The following DIXDC1 variants were observed in gnomAD, a reference collection of about 807,000 sequenced individuals.
DIXDC1 encodes DIX domain containing 1.
A neutral mutation model predicts 103.1 loss-of-function variants in DIXDC1; 64 were observed. That is an observed-to-expected ratio of 0.62 (90% CI 0.51 to 0.76). The LOEUF (loss-of-function observed/expected upper bound fraction) is 0.76, where lower values mean the gene tolerates loss of function less well. DIXDC1 is among the 30% of genes least tolerant of loss of function. DIXDC1 has a pLI of 0.00. For missense variants in DIXDC1, 759 were observed against 834.2 expected, an observed-to-expected ratio of 0.91 and a Z score of 1.11; for synonymous variants, 266 against 298.5, an observed-to-expected ratio of 0.89 and a Z score of 1.12.
chr11:111,928,015 CAAAAAAAAAA>C (rs782156043), intron 1 of DIXDC1, among the ~76,000 whole-genome samples: 3 of 68,760 alleles, frequency 4.4e-5, no homozygotes, highest in Admixed American at 1.7e-4. Context: ...GACTCCATCT[CAAAAAAAAAA>C]AAAAAAAAAA....
intron 7 of DIXDC1, among the ~76,000 whole-genome samples, chr11:111,984,648 C>T (rs1860430607): frequency 6.6e-6 from 1 of 152,212 alleles, no homozygotes; most frequent in Non-Finnish European, 1.5e-5. Context: ...ATCTGCCTCC[C>T]TATTCCACCT....
At chr11:111,944,854 G>A (rs1364503317) in intron 1 of DIXDC1, among the ~76,000 whole-genome samples, 2 of 152,184 alleles carry the variant, frequency 1.3e-5, no homozygotes, top group Non-Finnish European at 2.9e-5. Context: ...ACCTTCAGTT[G>A]TTCTAGACAT....
chr11:111,947,263 T>TA (rs1966628009), intron 1 of DIXDC1, among the ~76,000 whole-genome samples: 1 of 152,072 alleles, frequency 6.6e-6, no homozygotes, highest in Non-Finnish European at 1.5e-5. Flanking sequence ...GTTATAATTT[T>TA]AAAAAATAAT....
chr11:112,004,004 C>A lies in DIXDC1; in HGVS notation c.1756+7858C>A, dbSNP rs1372996823. Among the ~76,000 whole-genome samples the A allele has an allele frequency of 6.5e-5, 9 of 137,590 alleles. No individual in the cohort carries two copies. The South Asian group carries it at 2.1e-3, about 32-fold the overall frequency. 90.3% of individuals were successfully genotyped at this position (137,590 alleles called of 152,430 possible). On this transcript the variant is annotated intron_variant, in intron 17 of 19. Transcript: ENST00000440460. ...GACCAGCCTGGGCAACATAAAAAAA[C>A]CCCATCTTAAAAAAAAAAAAATTAT... is the stretch of plus-strand genomic sequence containing the variant.
At chr11:112,003,659 CGTG>C (rs1239341724) in intron 17 of DIXDC1, among the ~76,000 whole-genome samples, 1 of 151,554 alleles carries the variant, frequency 6.6e-6, no homozygotes, top group African/African-American at 2.4e-5. Flanking sequence ...ATTAGCCAGG[CGTG>C]GTGGTGCATG....
At chr11:111,951,181 T>A (rs1369649558) in intron 1 of DIXDC1, among the ~76,000 whole-genome samples, 1 of 152,236 alleles carries the variant, frequency 6.6e-6, no homozygotes, top group Non-Finnish European at 1.5e-5. Context: ...GGATAATTTC[T>A]TAGGTAAATA....
intron 17 of DIXDC1, among the ~76,000 whole-genome samples, chr11:112,002,614 G>T (rs1201505349): frequency 1.3e-5 from 2 of 152,096 alleles, no homozygotes; most frequent in African/African-American, 4.8e-5. Flanking sequence ...AACAGAGCAA[G>T]ACCTTGTCTC....
At chr11:111,975,238 T>TGGGGGCATGGCTGGAACCTGTCA (rs1860060100) in intron 5 of DIXDC1, 1 of 1,271,126 alleles carries the variant, frequency 7.9e-7, no homozygotes, top group African/African-American at 1.5e-5. Flanking sequence ...TGTGACCACA[T>TGGGGGCATGGCTGGAACCTGTCA]GGGGGCATGG....
chr11:111,979,404 C>G (rs1555173021), intron 5 of DIXDC1, among the ~76,000 whole-genome samples: 1 of 152,164 alleles, frequency 6.6e-6, no homozygotes, highest in African/African-American at 2.4e-5. Flanking sequence ...TAGCCACTTT[C>G]ACTGTTGTCT....
chr11:111,979,654 G>A (rs1268968719), intron 5 of DIXDC1, among the ~76,000 whole-genome samples: 13 of 152,128 alleles, frequency 8.5e-5, no homozygotes, highest in Admixed American at 7.9e-4. Flanking sequence ...TCCTTCCAAG[G>A]CTAGTAGTTA....
chr11:111,993,728 AGAGG>A lies in DIXDC1; in HGVS notation c.1426_1429del (p.Glu476GlnfsTer97). 1 of 1,614,016 alleles carries A rather than the reference AGAGG, an allele frequency of 6.2e-7. No homozygotes were observed. The highest frequency in any genetic ancestry group is 8.5e-7 in the Non-Finnish European group (1 of 1,179,890). On this transcript the variant is annotated frameshift_variant, in exon 14 of 20. Transcript: ENST00000440460. LOFTEE classifies it high-confidence loss of function. The stretch of plus-strand genomic sequence containing the variant: ...TCCTCTTGGCTCACTGTATGAAAAG[AGAGG>A]CAGATGAGGTAACCTAGACCCCGTG...
chr11:111,982,746 ATTG>A (rs1193931430), intron 7 of DIXDC1, among the ~76,000 whole-genome samples: 3 of 152,280 alleles, frequency 2.0e-5, no homozygotes, highest in African/African-American at 7.2e-5. Context: ...TCAAGTCCTT[ATTG>A]TTGACTCTGT....
intron 17 of DIXDC1, among the ~76,000 whole-genome samples, chr11:112,011,817 G>C (rs912462578): frequency 2.6e-4 from 40 of 152,184 alleles, no homozygotes; most frequent in African/African-American, 9.6e-4. Flanking sequence ...GGGGGGGACG[G>C]GGGGAGGGAT....
At chr11:111,960,760 G>A (rs1248405579) in intron 1 of DIXDC1, among the ~76,000 whole-genome samples, 1 of 152,096 alleles carries the variant, frequency 6.6e-6, no homozygotes, top group Non-Finnish European at 1.5e-5. Flanking sequence ...TCTATGGTGG[G>A]CCTAGACATT....
At chr11:111,975,225 A>G in intron 5 of DIXDC1, 1 of 1,292,722 alleles carries the variant, frequency 7.7e-7, no homozygotes, top group Non-Finnish European at 9.9e-7. Flanking sequence ...GCCAGTGCTT[A>G]ACTGTGACCA....
intron 19 of DIXDC1, among the ~76,000 whole-genome samples, chr11:112,018,217 T>C (rs1331276710): frequency 6.6e-6 from 1 of 152,250 alleles, no homozygotes; most frequent in Non-Finnish European, 1.5e-5. Context: ...TCTTGCTTCC[T>C]ATGTAGAGCA....
At chr11:111,996,514 C>A (rs2137591287) in intron 17 of DIXDC1, among the ~76,000 whole-genome samples, 1 of 152,298 alleles carries the variant, frequency 6.6e-6, no homozygotes, top group African/African-American at 2.4e-5. Context: ...CCACTTCTTC[C>A]TTGAAGCAAG....
chr11:111,949,976 G>C (rs1555169752), intron 1 of DIXDC1, among the ~76,000 whole-genome samples: 1 of 151,654 alleles, frequency 6.6e-6, no homozygotes, highest in Admixed American at 6.6e-5. Context: ...CGTTATTTAT[G>C]TGCCTGTAAG....
chr11:111,962,089 T>G lies in DIXDC1; in HGVS notation c.61-2460T>G, dbSNP rs1161921995. ...TGCCTCAAATTATTGTTGAACTGAT[T>G]GTGTGACATAGGAAGCCCTCAGGGA... On this transcript the variant is annotated intron_variant, in intron 1 of 19. Transcript: ENST00000440460. 2.0e-5 allele frequency among the ~76,000 whole-genome samples: 3 copies of G among 152,144 alleles called. No individual in the cohort carries two copies. In the East Asian group the frequency reaches 5.8e-4, roughly 29 times the overall value.
Sources: allele counts gnomAD v4.1 joint callset (sites outside exome capture counted in the v4.1 genomes callset), GRCh38; gene constraint gnomAD v4.1.1; transcripts MANE v1.5; gene names NCBI Gene and HGNC (gene_info 2026-07-23, HGNC 2026-07-21).